MAP2: variants seen among roughly 807,000 people sequenced by gnomAD.
MAP2 encodes microtubule associated protein 2.
MAP2 carries 14 observed loss-of-function variants against 137.6 expected under a neutral mutation model. That is an observed-to-expected ratio of 0.10 (90% CI 0.07 to 0.16). The LOEUF (loss-of-function observed/expected upper bound fraction) is 0.16. Among genes scored for constraint, MAP2 ranks in the 10% least tolerant of loss-of-function variants. MAP2 has a pLI of 1.00. For missense variants in MAP2, 2,088 were observed against 2,191.5 expected, an observed-to-expected ratio of 0.95 and a Z score of 0.94; for synonymous variants, 786 against 782.3, an observed-to-expected ratio of 1.00 and a Z score of -0.08.
chr2:209,469,900 C>A (rs1479991543), intron 1 of MAP2, among the ~76,000 whole-genome samples: 1 of 152,104 alleles, frequency 6.6e-6, no homozygotes. Flanking sequence ...TTTTTTCAAC[C>A]TACAAAATTG....
chr2:209,676,160 T>G (rs940910013), intron 5 of MAP2, among the ~76,000 whole-genome samples: 3 of 151,946 alleles, frequency 2.0e-5, no homozygotes, highest in Non-Finnish European at 2.9e-5. Context: ...AATGATAGAT[T>G]GGATAAAGAA....
At chr2:209,670,488 C>T (rs938044583) in intron 5 of MAP2, among the ~76,000 whole-genome samples, 1 of 151,848 alleles carries the variant, frequency 6.6e-6, no homozygotes, top group Non-Finnish European at 1.5e-5. Flanking sequence ...CCTTTGACTC[C>T]ATAATGTAGT....
intron 5 of MAP2, among the ~76,000 whole-genome samples, chr2:209,670,642 G>C (rs1035946012): frequency 6.6e-6 from 1 of 151,850 alleles, no homozygotes; most frequent in Admixed American, 6.6e-5. Context: ...AAACAAGATT[G>C]TGGGTTTGAG....
At chr2:209,572,744 C>G (rs1022159530) in intron 2 of MAP2, among the ~76,000 whole-genome samples, 55 of 152,132 alleles carry the variant, frequency 3.6e-4, no homozygotes, top group Admixed American at 1.2e-3. Flanking sequence ...GCATGAGTTT[C>G]TCAACATACA....
chr2:209,474,561 T>G (rs1352958866), intron 1 of MAP2, among the ~76,000 whole-genome samples: 1 of 152,070 alleles, frequency 6.6e-6, no homozygotes, highest in Non-Finnish European at 1.5e-5. Flanking sequence ...ATCTCCTGCT[T>G]TGAAGATCAG....
intron 2 of MAP2, among the ~76,000 whole-genome samples, chr2:209,556,662 T>TAAA (rs111264428): frequency 9.2e-6 from 1 of 108,486 alleles, no homozygotes; most frequent in African/African-American, 3.3e-5. Flanking sequence ...TCTGGCCTAT[T>TAAA]AAAAAAAAAA....
At chr2:209,576,675 A>G (rs1313899969) in intron 2 of MAP2, among the ~76,000 whole-genome samples, 1 of 152,206 alleles carries the variant, frequency 6.6e-6, no homozygotes, top group African/African-American at 2.4e-5. Flanking sequence ...GATTGAATGG[A>G]TGAATGGTGG....
chr2:209,718,038 T>C (rs1021137977), intron 13 of MAP2, among the ~76,000 whole-genome samples: 3 of 152,222 alleles, frequency 2.0e-5, no homozygotes, highest in African/African-American at 7.2e-5. Context: ...GTTTTGTTTT[T>C]TGATATCAAA....
chr2:209,639,279 A>T (rs2093819259), intron 4 of MAP2, among the ~76,000 whole-genome samples: 1 of 152,326 alleles, frequency 6.6e-6, no homozygotes, highest in Admixed American at 6.5e-5. Flanking sequence ...TGTATAAAAC[A>T]TGATATTTTA....
In MAP2 at chr2:209,593,840, TATA is replaced by T. The variant is rs1269593852; in HGVS notation, c.-107+13744_-107+13746del. On this transcript the variant is annotated intron_variant, in intron 3 of 15. Transcript: ENST00000682079. ...ATAATACATTATATTTATATTATAT[TATA>T]ATATATATTATAAAATATATATTTA... is the stretch of plus-strand genomic sequence containing the variant. Among the ~76,000 whole-genome samples, 6 of 91,590 alleles carry T rather than the reference TATA, an allele frequency of 6.6e-5. 1 individual carries two copies. Among genetic ancestry groups the T allele is most frequent in the Non-Finnish European group, 8.5e-5 (4 of 46,954 alleles). The allele number at this position is 91,590 out of a possible 152,430, so 60.1% of individuals were successfully genotyped here. A position where few individuals can be genotyped will look rare whatever the true frequency, so the allele number is the denominator to read the frequency against.
Position 209,695,659 on chromosome 2 carries a change from T to C in MAP2, c.3489T>C (p.Asp1163=), listed in dbSNP as rs753682336. ...ETSPESSLIQ[D]EIAVKLSVEI... ...CTCCAGAATCATCTCTAATTCAAGA[T>C]GAGATTGCCGTCAAATTGTCAGTGG... Residue 1163 remains aspartate, a synonymous_variant, in exon 8 of 16, where the codon GAT becomes GAC. Transcript: ENST00000682079. 8.1e-6 allele frequency: 13 copies of C among 1,613,476 alleles called. No homozygotes were observed. The highest frequency in any genetic ancestry group is 1.7e-5 in the Admixed American group (1 of 59,990).
intron 2 of MAP2, among the ~76,000 whole-genome samples, chr2:209,556,214 A>T (rs2070601362): frequency 6.6e-6 from 1 of 151,334 alleles, no homozygotes. Context: ...CTAATTTTTT[A>T]AATATTTCTT....
At chr2:209,620,703 T>C (rs1215427298) in intron 3 of MAP2, among the ~76,000 whole-genome samples, 1 of 152,202 alleles carries the variant, frequency 6.6e-6, no homozygotes, top group African/African-American at 2.4e-5. Context: ...ATAGATATTT[T>C]CCCAACTGTT....
At chr2:209,587,732 A>C (rs1268557620) in intron 3 of MAP2, among the ~76,000 whole-genome samples, 2 of 152,202 alleles carry the variant, frequency 1.3e-5, no homozygotes, top group Non-Finnish European at 1.5e-5. Context: ...GCTCAAGTGC[A>C]TGTTAAATAT....
chr2:209,457,547 T>C (rs1030690697), intron 1 of MAP2, among the ~76,000 whole-genome samples: 1 of 152,132 alleles, frequency 6.6e-6, no homozygotes, highest in Non-Finnish European at 1.5e-5. Flanking sequence ...CCGGTGGTCA[T>C]ATAATGAAGC....
chr2:209,584,423 A>C (rs2077210737), intron 3 of MAP2, among the ~76,000 whole-genome samples: 1 of 152,200 alleles, frequency 6.6e-6, no homozygotes, highest in African/African-American at 2.4e-5. Flanking sequence ...CTTAGAAGAT[A>C]AAGTTGTATC....
intron 7 of MAP2, among the ~76,000 whole-genome samples, chr2:209,687,786 G>A (rs2057521116): frequency 6.6e-6 from 1 of 152,142 alleles, no homozygotes; most frequent in African/African-American, 2.4e-5. Flanking sequence ...CCACCAGCGG[G>A]GAGAGGCGTG....
rs1014347359 is a variant in MAP2, at chr2:209,638,286, G to C, written c.-30+13157G>C. Among the ~76,000 whole-genome samples the C allele has an allele frequency of 3.9e-5, 6 of 152,048 alleles. No homozygotes were observed. In the South Asian group the frequency reaches 1.2e-3, roughly 31 times the overall value. ...GAGAGAAGTCAAACAGTATATGAAG[G>C]CTGATCCAGTTGGATCAAACTTGGG... On this transcript the variant is annotated intron_variant, in intron 4 of 15. Coordinates refer to ENST00000682079, the MANE Select transcript of MAP2 (RefSeq NM_001375505.1).
chr2:209,428,137 T>C (rs1338471652), intron 1 of MAP2, among the ~76,000 whole-genome samples: 1 of 152,184 alleles, frequency 6.6e-6, no homozygotes, highest in African/African-American at 2.4e-5. Flanking sequence ...TGAATTTTTA[T>C]GAAAAACACT....
Sources: allele counts gnomAD v4.1 joint callset (sites outside exome capture counted in the v4.1 genomes callset), GRCh38; gene constraint gnomAD v4.1.1; transcripts MANE v1.5; gene names NCBI Gene and HGNC (gene_info 2026-07-23, HGNC 2026-07-21).